The following EYA1 variants were observed in gnomAD, a reference collection of about 807,000 sequenced individuals.
EYA1 encodes the protein EYA transcriptional coactivator and phosphatase 1, also known as protein phosphatase EYA1.
A neutral mutation model predicts 82.0 loss-of-function variants in EYA1; 16 were observed. The observed-to-expected ratio is 0.20, with a 90% CI of 0.13 to 0.30. The LOEUF (loss-of-function observed/expected upper bound fraction) is 0.30. Among genes scored for constraint, EYA1 ranks in the 10% least tolerant of loss-of-function variants. EYA1 has a pLI of 1.00. For missense variants in EYA1, 633 were observed against 730.7 expected (o/e 0.87, Z 1.54); for synonymous variants, 261 against 264.4 (o/e 0.99, Z 0.12).
intron 2 of EYA1, among the ~76,000 whole-genome samples, chr8:71,495,352 G>A (rs148180152): frequency 5.3e-5 from 8 of 152,300 alleles, no homozygotes; most frequent in African/African-American, 1.2e-4. Context: ...GATGGCTCAC[G>A]CCTGTAATCC....
chr8:71,436,696 G>A (rs1408385695), intron 2 of EYA1, among the ~76,000 whole-genome samples: 1 of 152,124 alleles, frequency 6.6e-6, no homozygotes, highest in Admixed American at 6.6e-5. Context: ...GTAAAAATCG[G>A]ATTAGTCAGA....
intron 2 of EYA1, among the ~76,000 whole-genome samples, chr8:71,503,058 C>T (rs1028354431): frequency 1.3e-5 from 2 of 152,174 alleles, no homozygotes; most frequent in African/African-American, 2.4e-5. Flanking sequence ...ACATACATTT[C>T]TTTCCAATAA....
At chr8:71,322,329 AGAAAGCACT>A in intron 4 of EYA1, 61 bp from the exon 5 acceptor site, 1 of 1,385,892 alleles carries the variant, frequency 7.2e-7, no homozygotes, top group Non-Finnish European at 1.0e-6. Context: ...CAAAATATAT[AGAAAGCACT>A]GACATATTTT....
intron 7 of EYA1, among the ~76,000 whole-genome samples, chr8:71,310,007 G>A (rs1228624970): frequency 6.6e-6 from 1 of 152,192 alleles, no homozygotes; most frequent in East Asian, 1.9e-4. Context: ...TCTGAGTTTA[G>A]TACATGTACA....
intron 11 of EYA1, among the ~76,000 whole-genome samples, chr8:71,250,842 G>T (rs1034408222): frequency 6.6e-6 from 1 of 152,096 alleles, no homozygotes; most frequent in Admixed American, 6.5e-5. Context: ...TGAATGAAAA[G>T]CAATAAATAG....
chr8:71,398,252 G>T (rs1829746190), intron 2 of EYA1, among the ~76,000 whole-genome samples: 1 of 152,176 alleles, frequency 6.6e-6, no homozygotes, highest in African/African-American at 2.4e-5. Context: ...CTTTAGCTCA[G>T]ATAAGTTTGT....
intron 2 of EYA1, among the ~76,000 whole-genome samples, chr8:71,397,116 C>CT (rs1004627603): frequency 9.9e-5 from 15 of 152,048 alleles, no homozygotes; most frequent in East Asian, 7.7e-4. Context: ...GCAACCCCTG[C>CT]TTTTTTTTGT....
chr8:71,481,669 C>G (rs1810173517), intron 2 of EYA1, among the ~76,000 whole-genome samples: 1 of 152,096 alleles, frequency 6.6e-6, no homozygotes, highest in Non-Finnish European at 1.5e-5. Flanking sequence ...GCAAGTTAAT[C>G]AACAAGAGTT....
At chr8:71,517,203 C>T (rs1242748500) in intron 2 of EYA1, among the ~76,000 whole-genome samples, 1 of 151,968 alleles carries the variant, frequency 6.6e-6, no homozygotes, top group African/African-American at 2.4e-5. Flanking sequence ...CAGATCTATA[C>T]TTTCAGGCCA....
At chr8:71,237,183 C>T (rs1585925616) in intron 12 of EYA1, among the ~76,000 whole-genome samples, 1 of 152,028 alleles carries the variant, frequency 6.6e-6, no homozygotes, top group East Asian at 1.9e-4. Context: ...TCCAGAGTAA[C>T]TGGGATTACA....
At chr8:71,397,326 T>C (rs1450308212) in intron 2 of EYA1, among the ~76,000 whole-genome samples, 1 of 152,240 alleles carries the variant, frequency 6.6e-6, no homozygotes, top group African/African-American at 2.4e-5. Flanking sequence ...CTTGATCCTG[T>C]CATTATGATG....
chr8:71,394,926 G>A lies in EYA1; in HGVS notation c.34-38415C>T, dbSNP rs925360557. On this transcript the variant is annotated intron_variant, in intron 2 of 18. Transcript: ENST00000643681. Reference sequence around the variant, plus strand: ...ATATTGATTCTTCCTATCCATGAGCGTGGAATGTTCTTCCATTTGTTTGTA... The same window carrying A: ...ATATTGATTCTTCCTATCCATGAGCATGGAATGTTCTTCCATTTGTTTGTA... Among the ~76,000 whole-genome samples the A allele has an allele frequency of 4.8e-3, 728 of 152,154 alleles. 4 individuals carry two copies. Among genetic ancestry groups the A allele is most frequent in the Non-Finnish European group, 7.1e-3 (482 of 67,978 alleles).
At chr8:71,345,921 GC>G (rs1402751828) in intron 3 of EYA1, among the ~76,000 whole-genome samples, 1 of 152,042 alleles carries the variant, frequency 6.6e-6, no homozygotes, top group Admixed American at 6.5e-5. Flanking sequence ...CATATCTGGA[GC>G]CCTTCATCAT....
upstream of EYA1, among the ~76,000 whole-genome samples, chr8:71,365,223 C>T (rs4510897): frequency 0.86 from 129,714 of 151,548 alleles, 55,572 homozygotes; most frequent in Middle Eastern, 0.9. Flanking sequence ...GTGTCCCTTT[C>T]CCTTTTAATT....
At chr8:71,454,721 T>C (rs560564204) in intron 2 of EYA1, among the ~76,000 whole-genome samples, 8 of 152,236 alleles carry the variant, frequency 5.3e-5, no homozygotes, top group African/African-American at 1.7e-4. Context: ...TTGAAACCAA[T>C]GAGAACAAAG....
chr8:71,330,416 G>A (rs921524313), intron 4 of EYA1, among the ~76,000 whole-genome samples: 2 of 152,050 alleles, frequency 1.3e-5, no homozygotes, highest in Admixed American at 6.6e-5. Flanking sequence ...TCTAACCTCT[G>A]CCTCTGTTGA....
intron 12 of EYA1, among the ~76,000 whole-genome samples, chr8:71,235,406 A>G (rs764842796): frequency 6.6e-6 from 1 of 152,090 alleles, no homozygotes; most frequent in Non-Finnish European, 1.5e-5. Context: ...ACTCATTCCT[A>G]CTATTGTCCT....
chr8:71,200,501 T>C (rs971989397), intron 17 of EYA1, among the ~76,000 whole-genome samples: 1 of 152,240 alleles, frequency 6.6e-6, no homozygotes, highest in Non-Finnish European at 1.5e-5. Flanking sequence ...TGAAATCACA[T>C]ACCACATTCC....
intron 2 of EYA1, among the ~76,000 whole-genome samples, chr8:71,395,162 A>G (rs1294117537): frequency 6.6e-6 from 1 of 152,250 alleles, no homozygotes; most frequent in Admixed American, 6.5e-5. Flanking sequence ...ACTTTGCCGA[A>G]GTTGCTTATC....
Sources: allele counts gnomAD v4.1 joint callset (sites outside exome capture counted in the v4.1 genomes callset), GRCh38; gene constraint gnomAD v4.1.1; transcripts MANE v1.5; gene names NCBI Gene and HGNC (gene_info 2026-07-23, HGNC 2026-07-21).